Variants in NOVA1 observed in about 807,000 individuals in gnomAD.
NOVA1 encodes the protein RNA-binding protein Nova-1.
Under a neutral mutation model 38.0 loss-of-function variants are expected in NOVA1, and 7 were observed. That is an observed-to-expected ratio of 0.18 (90% CI 0.10 to 0.35). NOVA1 has a LOEUF of 0.35. Among genes scored for constraint, NOVA1 ranks in the 10% least tolerant of loss-of-function variants. The pLI is 1.00. For synonymous variants in NOVA1, 270 were observed against 232.5 expected (o/e 1.16, Z -1.47); for missense variants, 460 against 616.0 (o/e 0.75, Z 2.68).
chr14:26,572,071 GGTTT>G (rs1166548217), intron 2 of NOVA1, among the ~76,000 whole-genome samples: 7 of 152,086 alleles, frequency 4.6e-5, no homozygotes, highest in Non-Finnish European at 8.8e-5. Flanking sequence ...CTGTACTAAA[GGTTT>G]GTTTTTGTTT....
At position 26,448,663 on chromosome 14, in the gene NOVA1, T is replaced by C; in HGVS notation, c.820A>G (p.Asn274Asp). 1 of 1,614,194 alleles carries C rather than the reference T, an allele frequency of 6.2e-7. No individual in the cohort carries two copies. The highest frequency in any genetic ancestry group is 1.1e-5 in the South Asian group (1 of 91,082). The change falls in exon 5 of 5, where the codon AAC becomes GAC. Residue 274 changes from asparagine to aspartate, a missense_variant. Transcript: ENST00000539517. The surrounding 1 kb of genome is among the most constrained non-coding windows in gnomAD (Gnocchi z 5.3). The part of the protein sequence containing the change: ...NSNPTGSPYA[N>D]TAEVLPTAAA... ...GCAGTTGGTAACACTTCAGCAGTGT[T>C]TGCATAAGGAGATCCGGTTGGATTG...
chr14:26,490,995 G>A lies in NOVA1; in HGVS notation c.281-10852C>T, dbSNP rs931620034. ...CTCCCAAGTAGCTGGGACTACAGGCGCCCGCCACCACGCCCGGATAATTTT... is the reference window on the plus strand; with the variant it reads ...CTCCCAAGTAGCTGGGACTACAGGCACCCGCCACCACGCCCGGATAATTTT... On this transcript the variant is annotated intron_variant, in intron 2 of 4. Transcript: ENST00000539517. Among the ~76,000 whole-genome samples, 3 of 151,854 alleles carry A rather than the reference G, an allele frequency of 2.0e-5. 1 individual carries two copies. The highest frequency in any genetic ancestry group is 4.2e-4 in the South Asian group (2 of 4,804).
intron 2 of NOVA1, among the ~76,000 whole-genome samples, chr14:26,487,869 T>C (rs1488871932): frequency 6.6e-6 from 1 of 152,158 alleles, no homozygotes; most frequent in Non-Finnish European, 1.5e-5. Context: ...CTATGTGGGC[T>C]ATTAGTAAGA....
chr14:26,531,525 T>C (rs1330670788), intron 2 of NOVA1, among the ~76,000 whole-genome samples: 2 of 152,178 alleles, frequency 1.3e-5, no homozygotes, highest in African/African-American at 4.8e-5. Context: ...GAGAATTGCT[T>C]GAACCCAGGT....
intron 3 of NOVA1, among the ~76,000 whole-genome samples, chr14:26,474,833 G>A (rs927244137): frequency 1.3e-5 from 2 of 151,852 alleles, no homozygotes; most frequent in African/African-American, 4.8e-5. Flanking sequence ...TAATGAAAAT[G>A]TAATGAAATA....
At chr14:26,479,871 G>GT in intron 3 of NOVA1, 106 bp downstream of exon 3, 1 of 1,195,866 alleles carries the variant, frequency 8.4e-7, no homozygotes, top group Non-Finnish European at 1.2e-6. Context: ...TATGTTTTAT[G>GT]TGTGCTTAAA....
chr14:26,597,549 GTTT>G lies in NOVA1; in HGVS notation c.-116_-114del. ...TTTTTTGCGTTTGGGGTTTCTTAAG[GTTT>G]TTTTTTTTTAATCGGATCAATATAA... On this transcript the variant is annotated 5_prime_UTR_variant, in exon 1 of 5. Coordinates refer to ENST00000539517, the MANE Select transcript of NOVA1 (RefSeq NM_002515.3). The G allele has an allele frequency of 4.0e-6, 3 of 741,136 alleles. No individual in the cohort carries two copies. The highest frequency in any genetic ancestry group is 1.7e-6 in the Non-Finnish European group (1 of 605,518). The allele number at this position is 741,136 out of a possible 1,614,324, so 45.9% of individuals were successfully genotyped here.
intron 2 of NOVA1, among the ~76,000 whole-genome samples, chr14:26,518,254 G>A (rs1293231883): frequency 6.6e-6 from 1 of 151,894 alleles, no homozygotes; most frequent in East Asian, 1.9e-4. Flanking sequence ...ACTGTGTTGG[G>A]ATAATGAGTA....
At chr14:26,572,722 C>T (rs1340902349) in intron 2 of NOVA1, among the ~76,000 whole-genome samples, 1 of 68,362 alleles carries the variant, frequency 1.5e-5, no homozygotes, top group Non-Finnish European at 3.9e-5. Context: ...TATAAGGAAC[C>T]GCAGTGTGTG....
chr14:26,459,638 C>T (rs910374097), intron 4 of NOVA1, among the ~76,000 whole-genome samples: 2 of 151,952 alleles, frequency 1.3e-5, no homozygotes, highest in African/African-American at 4.8e-5. Context: ...AAATGAAAAT[C>T]ATGCATTTAA....
intron 4 of NOVA1, among the ~76,000 whole-genome samples, chr14:26,466,435 G>C (rs1884146728): frequency 6.6e-6 from 1 of 152,162 alleles, no homozygotes; most frequent in African/African-American, 2.4e-5. Flanking sequence ...CCTGAGTGGG[G>C]AACTGGACAT....
At chr14:26,591,754 C>A (rs1008368701) in intron 2 of NOVA1, among the ~76,000 whole-genome samples, 6 of 151,214 alleles carry the variant, frequency 4.0e-5, no homozygotes, top group Admixed American at 4.0e-4. Flanking sequence ...TCCTTCCCTA[C>A]AAAAAAATTT....
chr14:26,474,154 T>C (rs914301392), intron 3 of NOVA1, among the ~76,000 whole-genome samples: 1 of 152,030 alleles, frequency 6.6e-6, no homozygotes, highest in East Asian at 1.9e-4. Flanking sequence ...CTCAGATTAA[T>C]AATGAGTCTG....
chr14:26,566,355 A>G (rs1566543222), intron 2 of NOVA1, among the ~76,000 whole-genome samples: 1 of 145,544 alleles, frequency 6.9e-6, no homozygotes, highest in Admixed American at 6.7e-5. Flanking sequence ...ATTTATATAC[A>G]TATATACATA....
intron 2 of NOVA1, among the ~76,000 whole-genome samples, chr14:26,500,387 C>G (rs1044814891): frequency 6.6e-6 from 1 of 151,900 alleles, no homozygotes; most frequent in Non-Finnish European, 1.5e-5. Flanking sequence ...TCACACTTAA[C>G]CAGAGTTCTA....
Position 26,557,426 on chromosome 14 carries a change from G to A in NOVA1, c.280+37984C>T, listed in dbSNP as rs1343584843. ...CCTTGTTGCCCAGGCTTGAGTGCAG[G>A]CTGCTCACTGCAGCCTCGACATCCT... is the stretch of plus-strand genomic sequence containing the variant. On this transcript the variant is annotated intron_variant, in intron 2 of 4. Transcript: ENST00000539517. 3.3e-5 allele frequency among the ~76,000 whole-genome samples: 5 copies of A among 152,068 alleles called. No individual in the cohort carries two copies. The South Asian group carries it at 1.0e-3, about 32-fold the overall frequency.
chr14:26,526,118 A>G (rs1566504484), intron 2 of NOVA1, among the ~76,000 whole-genome samples: 1 of 152,162 alleles, frequency 6.6e-6, no homozygotes. Flanking sequence ...CTCAATGGAA[A>G]GTCTCTCAAT....
At position 26,476,879 on chromosome 14, in the gene NOVA1, C is replaced by T. The variant is rs551892341; in HGVS notation, c.447+3098G>A. Among the ~76,000 whole-genome samples the T allele has an allele frequency of 3.0e-4, 46 of 151,548 alleles. 1 individual carries two copies. Among genetic ancestry groups the T allele is most frequent in the Middle Eastern group, 6.8e-3 (2 of 292 alleles). ...TACAGGCATGCGCCACCACACCCGG[C>T]TAATTTTGTATTTTTAGTAGAGATG... On this transcript the variant is annotated intron_variant, in intron 3 of 4. Transcript: ENST00000539517.
Position 26,549,565 on chromosome 14 carries a change from G to A in NOVA1, c.280+45845C>T, listed in dbSNP as rs117121023. 3.3e-3 allele frequency: 881 copies of A among 263,902 alleles called. 26 individuals are homozygous for A. In the East Asian group the frequency reaches 0.058, roughly 17 times the overall value. The allele number at this position is 263,902 out of a possible 1,614,324, so 16.3% of individuals were successfully genotyped here. Reference sequence around the variant, plus strand: ...CCTTAAAATAAAATTTAGAGCCAGGGAGAGCAGCACTAAGTTTAACTGACC... The same window carrying A: ...CCTTAAAATAAAATTTAGAGCCAGGAAGAGCAGCACTAAGTTTAACTGACC... On this transcript the variant is annotated intron_variant, in intron 2 of 4. Coordinates refer to ENST00000539517, the MANE Select transcript of NOVA1 (RefSeq NM_002515.3).
Sources: allele counts gnomAD v4.1 joint callset (sites outside exome capture counted in the v4.1 genomes callset), GRCh38; gene constraint gnomAD v4.1.1; non-coding constraint Gnocchi (gnomAD v3.1); transcripts MANE v1.5; gene names NCBI Gene and HGNC (gene_info 2026-07-23, HGNC 2026-07-21).